Variants in ZNF783 observed in about 807,000 individuals in gnomAD.
ZNF783 encodes the protein zinc finger protein 783.
Under a neutral mutation model 31.3 loss-of-function variants are expected in ZNF783, and 25 were observed. The ratio of observed to expected loss-of-function variants is 0.80; its 90% CI spans 0.58 to 1.11. The LOEUF is 1.11. Ranked by LOEUF, ZNF783 falls within the 50% of genes most tolerant of loss-of-function variation. ZNF783 has a pLI of 0.00. For synonymous variants in ZNF783, 369 were observed against 319.1 expected (o/e 1.16, Z -1.66); for missense variants, 797 against 760.0 (o/e 1.05, Z -0.57).
At chr7:149,279,643 T>G (rs1186496009) in intron 5 of ZNF783, among the ~76,000 whole-genome samples, 8 of 147,816 alleles carry the variant, frequency 5.4e-5, no homozygotes, top group South Asian at 2.2e-4. Context: ...TTTTTTTTTT[T>G]TTTTTTTTTT....
chr7:149,277,425 TATC>T (rs1338440117), intron 4 of ZNF783: 1 of 152,214 alleles, frequency 6.6e-6, no homozygotes, highest in Non-Finnish European at 1.5e-5. Flanking sequence ...GTTTTTTTCT[TATC>T]ATCTTTTTTT....
Position 149,281,645 on chromosome 7 carries a change from C to T in ZNF783, c.943C>T (p.His315Tyr), listed in dbSNP as rs759465935. 4 of 1,541,222 alleles carry T rather than the reference C, an allele frequency of 2.6e-6. No homozygotes were observed. In the Admixed American group the frequency reaches 6.1e-5, roughly 23 times the overall value. Residue 315 changes from histidine to tyrosine, a missense_variant, in exon 6 of 6, where the codon CAT (histidine) becomes TAT (tyrosine). By Grantham distance (83) the His-to-Tyr change is moderately conservative (BLOSUM62 2). Coordinates refer to ENST00000434415, the MANE Select transcript of ZNF783 (RefSeq NM_001195220.2). The stretch of plus-strand genomic sequence containing the variant: ...GAACAGGCCTGGGGGCCCCAGCCGT[C>T]ATCAGGCCCAGGGCATGCCCAGGGT... ...PRNRPGGPSRHQAQGMPRVRA... is the reference protein window; with the variant it reads ...PRNRPGGPSRYQAQGMPRVRA...
chr7:149,270,356 T>C (rs569455578), intron 4 of ZNF783, among the ~76,000 whole-genome samples: 4 of 152,292 alleles, frequency 2.6e-5, no homozygotes, highest in East Asian at 1.9e-4. Flanking sequence ...TCTCAAACTC[T>C]TGGGCTCAAG....
Position 149,282,983 on chromosome 7 carries a change from T to G in ZNF783, c.*640T>G, listed in dbSNP as rs71532771. 41,693 of 132,798 alleles carry G rather than the reference T, an allele frequency of 0.31. 6,813 individuals are homozygous for G. The highest frequency in any genetic ancestry group is 0.43 in the East Asian group (2,054 of 4,726). The allele number at this position is 132,798 out of a possible 1,614,324, so 8.2% of individuals were successfully genotyped here. A position where few individuals can be genotyped will look rare whatever the true frequency, so the allele number is the denominator to read the frequency against. On this transcript the variant is annotated 3_prime_UTR_variant, in exon 6 of 6. Transcript: ENST00000434415. ...TTTTTTTTTTGTTGTTGTTGTTGTT[T>G]TTTTAAGATGGAGTTTCACTCTTGT...
chr7:149,281,996 G>A lies in ZNF783; in HGVS notation c.1294G>A (p.Ala432Thr), dbSNP rs753711534. ...GRALVGRRPA[A>T]SKMYHCSECL... ...TGCCTTGGTGGGGCGGCGGCCTGCA[G>A]CCAGCAAGATGTACCACTGCAGCGA... Residue 432 changes from alanine (A) to threonine (T), a missense_variant, in exon 6 of 6, where the codon GCC (alanine) becomes ACC (threonine). Physicochemically the swap from Ala to Thr is moderately conservative, Grantham distance 58. Coordinates refer to ENST00000434415, the MANE Select transcript of ZNF783 (RefSeq NM_001195220.2). 1.9e-6 allele frequency: 3 copies of A among 1,579,762 alleles called. No homozygotes were observed. In the Admixed American group the frequency reaches 5.2e-5, roughly 27 times the overall value.
chr7:149,280,814 A>G (rs535436322), intron 5 of ZNF783, among the ~76,000 whole-genome samples: 1 of 152,314 alleles, frequency 6.6e-6, no homozygotes, highest in East Asian at 1.9e-4. Context: ...CGTCTCCAGC[A>G]CATTGCTGTG....
At chr7:149,275,001 A>G (rs920874875) in intron 4 of ZNF783, among the ~76,000 whole-genome samples, 1 of 152,234 alleles carries the variant, frequency 6.6e-6, no homozygotes, top group African/African-American at 2.4e-5. Context: ...TGTGGACATT[A>G]TAACTAATTC....
chr7:149,266,444 C>T lies in ZNF783; in HGVS notation c.134C>T (p.Thr45Met), dbSNP rs570103600. 159 of 1,605,888 alleles carry T rather than the reference C, an allele frequency of 9.9e-5. No individual in the cohort carries two copies. The highest frequency in any genetic ancestry group is 9.3e-4 in the Admixed American group (56 of 59,980). Residue 45 changes from threonine to methionine, a missense_variant, in exon 2 of 6, where the codon ACG becomes ATG. Transcript: ENST00000434415. ...TACTCCACGGAAATCACACTGTGGA[C>T]GGTGGTGGCCGCCATTCAGGCCTTG... ...YLYSTEITLW[T>M]VVAAIQALEK...
chr7:149,279,184 C>T (rs1797401438), intron 5 of ZNF783, among the ~76,000 whole-genome samples: 1 of 152,240 alleles, frequency 6.6e-6, no homozygotes, highest in South Asian at 2.1e-4. Flanking sequence ...GGGTATCTTC[C>T]CCACTGGATC....
At chr7:149,263,048 C>T (rs1377234606) in intron 1 of ZNF783, among the ~76,000 whole-genome samples, 4 of 151,884 alleles carry the variant, frequency 2.6e-5, no homozygotes, top group Non-Finnish European at 2.9e-5. Flanking sequence ...CCTGCCTCAG[C>T]CTCCCAAGTA....
chr7:149,263,265 C>CGTGTGTGTGT (rs56067256), intron 1 of ZNF783, among the ~76,000 whole-genome samples: 4 of 121,442 alleles, frequency 3.3e-5, no homozygotes, highest in East Asian at 2.6e-4. Flanking sequence ...TATATATATA[C>CGTGTGTGTGT]GTGTGTGTGT....
chr7:149,264,441 G>A (rs1048696188), intron 1 of ZNF783, among the ~76,000 whole-genome samples: 1 of 152,206 alleles, frequency 6.6e-6, no homozygotes, highest in African/African-American at 2.4e-5. Flanking sequence ...GCTGGAGCAC[G>A]ACAGGAACTG....
At position 149,278,453 on chromosome 7, in the gene ZNF783, A is replaced by T. The variant is rs1797384898; in HGVS notation, c.728A>T (p.Glu243Val). ...LTSPLSPAQEELKEGQAPKQQ... is the reference protein window; with the variant it reads ...LTSPLSPAQEVLKEGQAPKQQ... ...AGCCCACTTAGCCCTGCCCAGGAGG[A>T]GCTGAAAGAAGGGCAGGCCCCCAAG... The change falls in exon 5 of 6, where the codon GAG (glutamate) becomes GTG (valine). Residue 243 changes from glutamate (E) to valine (V), a missense_variant. Physicochemically the swap from Glu to Val is moderately radical, Grantham distance 121 (BLOSUM62 -2). Transcript: ENST00000434415. 1.3e-6 allele frequency: 2 copies of T among 1,599,006 alleles called. No homozygotes were observed. Among genetic ancestry groups the T allele is most frequent in the Non-Finnish European group, 1.7e-6 (2 of 1,179,692 alleles).
In ZNF783 at chr7:149,266,029, C is replaced by T. The variant is rs540041166; in HGVS notation, c.25-306C>T. On this transcript the variant is annotated intron_variant, in intron 1 of 5. Transcript: ENST00000434415. ...GGGGAGTCACTTGTTTGAGACTGCA[C>T]GTGGTTGCTCAAGCCTGTGGGGCAT... Among the ~76,000 whole-genome samples the T allele has an allele frequency of 2.6e-5, 4 of 152,298 alleles. No individual in the cohort carries two copies. The South Asian group carries it at 8.3e-4, about 32-fold the overall frequency.
Position 149,281,965 on chromosome 7 carries a change from G to T in ZNF783, c.1263G>T (p.Gly421=). The T allele has an allele frequency of 6.4e-7, 1 of 1,570,734 alleles. No homozygotes were observed. The highest frequency in any genetic ancestry group is 8.6e-7 in the Non-Finnish European group (1 of 1,165,916). ...EEPEGRRSVA[G]GRALVGRRPA... ...CTGAGGGTCGCCGCTCCGTGGCAGG[G>T]GGCCGTGCCTTGGTGGGGCGGCGGC... Residue 421 remains glycine (G), a synonymous_variant, in exon 6 of 6, where the codon GGG becomes GGT. Transcript: ENST00000434415.
chr7:149,272,629 A>G (rs1797233025), intron 4 of ZNF783, among the ~76,000 whole-genome samples: 2 of 151,956 alleles, frequency 1.3e-5, no homozygotes, highest in African/African-American at 4.8e-5. Context: ...GTAGGTGTGC[A>G]TATTTATGGG....
Position 149,278,649 on chromosome 7 carries a change from G to T in ZNF783, c.802+122G>T. On this transcript the variant is annotated intron_variant, in intron 5 of 5. Coordinates refer to ENST00000434415, the MANE Select transcript of ZNF783 (RefSeq NM_001195220.2). Reference sequence around the variant, plus strand: ...GCTGGGAGAGAGGGCTGGGAGACTGGTTGGGCTGGGCCGGACAGGCTTTCT... The same window carrying T: ...GCTGGGAGAGAGGGCTGGGAGACTGTTTGGGCTGGGCCGGACAGGCTTTCT... 2.0e-6 allele frequency: 3 copies of T among 1,479,868 alleles called. No individual in the cohort carries two copies. The Admixed American group carries it at 6.1e-5, about 30-fold the overall frequency. The allele number at this position is 1,479,868 out of a possible 1,614,324, so 91.7% of individuals were successfully genotyped here.
chr7:149,275,317 C>CTT (rs563040835), intron 4 of ZNF783, among the ~76,000 whole-genome samples: 2 of 137,688 alleles, frequency 1.5e-5, no homozygotes, highest in African/African-American at 2.7e-5. Context: ...GTTTTTCTTT[C>CTT]TTTTTTTTTT....
At chr7:149,269,897 A>G (rs1260700486) in intron 4 of ZNF783, among the ~76,000 whole-genome samples, 6 of 135,234 alleles carry the variant, frequency 4.4e-5, no homozygotes, top group Non-Finnish European at 4.6e-5. Flanking sequence ...TTCAGTTCCC[A>G]CCTATGAGTG....
Sources: allele counts gnomAD v4.1 joint callset (sites outside exome capture counted in the v4.1 genomes callset), GRCh38; gene constraint gnomAD v4.1.1; transcripts MANE v1.5; gene names NCBI Gene and HGNC (gene_info 2026-07-23, HGNC 2026-07-21).